The following RSKR variants were observed in gnomAD, a reference collection of about 807,000 sequenced individuals.
The protein encoded by RSKR is ribosomal protein S6 kinase-related protein.
RSKR carries 44 observed loss-of-function variants against 56.8 expected under a neutral mutation model. That is an observed-to-expected ratio of 0.77 (90% CI 0.61 to 1.00). RSKR has a LOEUF of 1.00. RSKR is among the 50% of genes least tolerant of loss of function. The probability of loss-of-function intolerance (pLI) is 0.00; values close to 1 mark genes in which losing one functional copy is unlikely to be tolerated. For missense variants in RSKR, 510 were observed against 506.9 expected, an observed-to-expected ratio of 1.01 and a Z score of -0.06; for synonymous variants, 181 against 188.0, an observed-to-expected ratio of 0.96 and a Z score of 0.30.
intron 11 of RSKR, 126 bp from the exon 12 acceptor site, chr17:28,610,825 T>G: frequency 1.0e-6 from 1 of 963,758 alleles, no homozygotes; most frequent in South Asian, 1.7e-5. Context: ...GAAGAGTAGA[T>G]GATTTGTAAA....
intron 4 of RSKR, 114 bp from the exon 5 acceptor site, chr17:28,612,801 C>A: frequency 1.0e-6 from 1 of 985,060 alleles, no homozygotes. Flanking sequence ...CCTCACCTCT[C>A]AGTTCAGAGG....
At chr17:28,610,847 T>G (rs761528079) in intron 11 of RSKR, 148 bp from the exon 12 acceptor site, 6 of 840,948 alleles carry the variant, frequency 7.1e-6, no homozygotes, top group East Asian at 2.7e-5. Context: ...GAGGGAGAAA[T>G]AGAGGCTAAT....
Position 28,610,424 on chromosome 17 carries a change from C to A in RSKR, c.*54G>T. 3.5e-6 allele frequency: 5 copies of A among 1,447,714 alleles called. No individual in the cohort carries two copies. Among genetic ancestry groups the A allele is most frequent in the Non-Finnish European group, 3.7e-6 (4 of 1,067,988 alleles). The allele number at this position is 1,447,714 out of a possible 1,614,324, so 89.7% of individuals were successfully genotyped here. On this transcript the variant is annotated 3_prime_UTR_variant, in exon 12 of 12. Transcript: ENST00000301037. The stretch of plus-strand genomic sequence containing the variant: ...TATCAAGGTGGTCATACTGAGTAGG[C>A]AGGGATGGAGATCTTCAGGCTCCCA...
At position 28,612,386 on chromosome 17, in the gene RSKR, C is replaced by T; in HGVS notation, c.548-20G>A. 1 of 1,609,728 alleles carries T rather than the reference C, an allele frequency of 6.2e-7. No individual in the cohort carries two copies. Among genetic ancestry groups the T allele is most frequent in the Non-Finnish European group, 8.5e-7 (1 of 1,176,424 alleles). ...TACACACTGCAAAGCCAGTGTGGAG[C>T]TACATACATTGCCAGAAGTCTAGGC... is the stretch of plus-strand genomic sequence containing the variant. On this transcript the variant is annotated intron_variant, in intron 5 of 11. Coordinates refer to ENST00000301037, the MANE Select transcript of RSKR (RefSeq NM_001174103.2).
rs769030092 is a variant in RSKR, at chr17:28,611,492, C to G, written c.812-11G>C. 14 of 1,588,158 alleles carry G rather than the reference C, an allele frequency of 8.8e-6. No homozygotes were observed. The highest frequency in any genetic ancestry group is 1.2e-5 in the Non-Finnish European group (14 of 1,170,516). On this transcript the variant is annotated splice_polypyrimidine_tract_variant and intron_variant, in intron 9 of 11. Coordinates refer to ENST00000301037, the MANE Select transcript of RSKR (RefSeq NM_001174103.2). The stretch of plus-strand genomic sequence containing the variant: ...TTAGGACCTCTGGGGCTACAGATTT[C>G]AAAGATACTCATCACAGACATCCTT...
chr17:28,613,989 G>C, intron 1 of RSKR, 98 bp downstream of exon 1: 1 of 1,480,870 alleles, frequency 6.8e-7, no homozygotes, highest in Non-Finnish European at 9.2e-7. Context: ...CCCCACATTG[G>C]GTAATCACTT....
chr17:28,612,552 G>C, intron 5 of RSKR, 66 bp downstream of exon 5: 3 of 1,544,788 alleles, frequency 1.9e-6, no homozygotes, highest in Non-Finnish European at 1.8e-6. Flanking sequence ...AAGCCAAAGA[G>C]GTAATCTCAG....
Position 28,610,235 on chromosome 17 carries a change from G to T in RSKR, c.*243C>A. On this transcript the variant is annotated 3_prime_UTR_variant, in exon 12 of 12. Coordinates refer to ENST00000301037, the MANE Select transcript of RSKR (RefSeq NM_001174103.2). ...CTGGAGAAGTAAAGAAAAGGAAAAG[G>T]TCACCACCCTGATCTGACATGTTGA... is the stretch of plus-strand genomic sequence containing the variant. 2.0e-6 allele frequency: 1 copy of T among 501,982 alleles called. No individual in the cohort carries two copies. Among genetic ancestry groups the T allele is most frequent in the African/African-American group, 1.9e-5 (1 of 52,214 alleles). The allele number at this position is 501,982 out of a possible 1,614,324, so 31.1% of individuals were successfully genotyped here.
Position 28,613,139 on chromosome 17 carries a change from G to A in RSKR, c.416C>T (p.Pro139Leu), listed in dbSNP as rs759139231. The A allele has an allele frequency of 5.0e-6, 8 of 1,613,668 alleles. No individual in the cohort carries two copies. In the East Asian group the frequency reaches 1.1e-4, roughly 22 times the overall value. ...QKAVFAVKVV[P>L]KVKVLQRDTV... is the part of the protein sequence containing the mutation. Reference sequence around the variant, plus strand: ...ATCCCTCTGTAGGACCTTTACCTTGGGCACCACCTATAAAAGGAGAGTAGT... The same window carrying A: ...ATCCCTCTGTAGGACCTTTACCTTGAGCACCACCTATAAAAGGAGAGTAGT... The change falls in exon 4 of 12, where the codon CCC becomes CTC. Residue 139 changes from proline (P) to leucine (L), a missense_variant. Physicochemically the swap from Pro to Leu is moderately conservative, Grantham distance 98. Coordinates refer to ENST00000301037, the MANE Select transcript of RSKR (RefSeq NM_001174103.2).
rs1567634069 is a variant in RSKR, at chr17:28,612,972, A to G, written c.477+106T>C. Reference sequence around the variant, plus strand: ...CTACTTTAGTGTTAAACTAGGCTGAAGCAGATGGATGAGGCAGAACCAGGA... The same window carrying G: ...CTACTTTAGTGTTAAACTAGGCTGAGGCAGATGGATGAGGCAGAACCAGGA... On this transcript the variant is annotated intron_variant, in intron 4 of 11. Coordinates refer to ENST00000301037, the MANE Select transcript of RSKR (RefSeq NM_001174103.2). 5 of 1,218,208 alleles carry G rather than the reference A, an allele frequency of 4.1e-6. No homozygotes were observed. In the East Asian group the frequency reaches 9.3e-5, roughly 23 times the overall value. The allele number at this position is 1,218,208 out of a possible 1,614,324, so 75.5% of individuals were successfully genotyped here. A position where few individuals can be genotyped will look rare whatever the true frequency, so the allele number is the denominator to read the frequency against.
rs2070823463 is a variant in RSKR at position 28,612,070 on chromosome 17, A to C, written c.667T>G (p.Leu223Val). ...TTCACATCTCGATGCATGATGCCCA[A>C]GTCATGGAGATAACCTGTGGATAAC... The part of the protein sequence containing the change: ...LVLVLCYLHD[L>V]GIMHRDVKME... Residue 223 changes from leucine to valine, a missense_variant, in exon 7 of 12, where the codon TTG becomes GTG. Leu to Val is a conservative substitution (Grantham distance 32). Coordinates refer to ENST00000301037, the MANE Select transcript of RSKR (RefSeq NM_001174103.2). The C allele has an allele frequency of 3.1e-6, 5 of 1,614,232 alleles. No homozygotes were observed. The East Asian group carries it at 1.1e-4, about 36-fold the overall frequency.
Position 28,612,531 on chromosome 17 carries a change from A to T in RSKR, c.547+87T>A, listed in dbSNP as rs1183330745. 4 of 1,486,726 alleles carry T rather than the reference A, an allele frequency of 2.7e-6. No homozygotes were observed. In the Admixed American group the frequency reaches 5.3e-5, roughly 20 times the overall value. 92.1% of individuals were successfully genotyped at this position (1,486,726 alleles called of 1,614,324 possible). On this transcript the variant is annotated intron_variant, in intron 5 of 11. Transcript: ENST00000301037. The stretch of plus-strand genomic sequence containing the variant: ...GGTGCCATGAGAAGGGGGACAGAGC[A>T]AAGGCAGAACAAGCCAAAGAGGTAA...
rs768223264 is a variant in RSKR at position 28,612,323 on chromosome 17, AGCC to A, written c.588_590del (p.Ala197del). The stretch of plus-strand genomic sequence containing the variant: ...TGGAAGCCTCAGGAAAGCAGCCAAC[AGCC>A]GACCAAAGGGAGTACAGATCTGTGC... On this transcript the variant is annotated inframe_deletion, in exon 6 of 12. Transcript: ENST00000301037. 1.4e-5 allele frequency: 23 copies of A among 1,614,230 alleles called. No individual in the cohort carries two copies. In the Middle Eastern group the frequency reaches 9.9e-4, roughly 69 times the overall value.
chr17:28,610,722 G>A, intron 11 of RSKR, 23 bp from the exon 12 acceptor site: 1 of 1,532,910 alleles, frequency 6.5e-7, no homozygotes, highest in Non-Finnish European at 8.7e-7. Flanking sequence ...AGAGCATGAA[G>A]GATGAGTGAC....
chr17:28,612,007 C>T (rs1597607584), intron 7 of RSKR, 37 bp downstream of exon 7: 1 of 1,614,138 alleles, frequency 6.2e-7, no homozygotes, highest in East Asian at 2.2e-5. Flanking sequence ...TATTGAGACT[C>T]TTTCTCAGAC....
At chr17:28,612,507 G>C in intron 5 of RSKR, 111 bp downstream of exon 5, 1 of 1,399,982 alleles carries the variant, frequency 7.1e-7, no homozygotes, top group Non-Finnish European at 1.0e-6. Flanking sequence ...GGACAGAGAG[G>C]TGCCATGAGA....
intron 8 of RSKR, 36 bp from the exon 9 acceptor site, chr17:28,611,692 C>T (rs1014734991): frequency 6.2e-7 from 1 of 1,612,192 alleles, no homozygotes; most frequent in Admixed American, 1.7e-5. Context: ...ACCACTGTTC[C>T]ACCCATCATC....
chr17:28,613,170 C>T, intron 3 of RSKR, 24 bp from the exon 4 acceptor site: 1 of 1,613,588 alleles, frequency 6.2e-7, no homozygotes, highest in Non-Finnish European at 8.5e-7. Flanking sequence ...GTAGTGATGA[C>T]TCATAGATAG....
rs1429717858 is a variant in RSKR at position 28,609,168 on chromosome 17, A to G, written c.*1310T>C. 1.3e-5 allele frequency: 2 copies of G among 148,816 alleles called. No homozygotes were observed. Among genetic ancestry groups the G allele is most frequent in the Non-Finnish European group, 3.0e-5 (2 of 67,724 alleles). The allele number at this position is 148,816 out of a possible 1,614,324, so 9.2% of individuals were successfully genotyped here. Reference sequence around the variant, plus strand: ...GTTCTCCTGCTTCAGCCTTCTGAGTAGCTGGGACTACAGGTGTGCAACACC... The same window carrying G: ...GTTCTCCTGCTTCAGCCTTCTGAGTGGCTGGGACTACAGGTGTGCAACACC... On this transcript the variant is annotated 3_prime_UTR_variant, in exon 12 of 12. Transcript: ENST00000301037.
Sources: gnomAD v4.1 joint callset for allele counts on GRCh38, gnomAD v4.1.1 for gene constraint, MANE v1.5 for transcripts, NCBI Gene and HGNC (gene_info 2026-07-23, HGNC 2026-07-21) for gene names.